CBLL1: variants seen among roughly 807,000 people sequenced by gnomAD.
CBLL1 encodes the protein E3 ubiquitin-protein ligase Hakai.
Under a neutral mutation model 44.9 loss-of-function variants are expected in CBLL1, and 4 were observed. That is an observed-to-expected ratio of 0.09 (90% CI 0.04 to 0.20). CBLL1 has a LOEUF of 0.20. Among genes scored for constraint, CBLL1 ranks in the 10% least tolerant of loss-of-function variants. The probability of loss-of-function intolerance (pLI) is 1.00; values close to 1 mark genes in which losing one functional copy is unlikely to be tolerated. For synonymous variants in CBLL1, 235 were observed against 202.2 expected (o/e 1.16, Z -1.38); for missense variants, 569 against 636.7 (o/e 0.89, Z 1.14).
chr7:107,745,791 G>T (rs1422582504), intron 1 of CBLL1, among the ~76,000 whole-genome samples: 2 of 152,156 alleles, frequency 1.3e-5, no homozygotes, highest in African/African-American at 4.8e-5. Context: ...CAACTAGGTA[G>T]GGTCCATTAT....
rs746033563 is a variant in CBLL1 at position 107,758,844 on chromosome 7, C to T, written c.1142C>T (p.Pro381Leu). 1.2e-6 allele frequency: 2 copies of T among 1,614,040 alleles called. No homozygotes were observed. The highest frequency in any genetic ancestry group is 1.7e-5 in the Admixed American group (1 of 60,006). ...QAPPPPMTSA[P>L]PPITPPPGHI... The stretch of plus-strand genomic sequence containing the variant: ...CCACCTCCACCAATGACCTCTGCTC[C>T]ACCACCAATAACCCCTCCCCCTGGA... Residue 381 changes from proline to leucine, a missense_variant, in exon 6 of 6, where the codon CCA (proline) becomes CTA (leucine). Transcript: ENST00000440859. This position sits in a 1 kb window ranked among gnomAD's most constrained non-coding sequence, Gnocchi z 4.2.
At position 107,758,637 on chromosome 7, in the gene CBLL1, C is replaced by T. The variant is rs1211747004; in HGVS notation, c.935C>T (p.Ala312Val). Reference protein sequence around the residue: ...NSGAREPPPPAPAPAHHHPEY... With the variant: ...NSGAREPPPPVPAPAHHHPEY... ...GGTGCTAGAGAACCACCACCTCCTGCCCCAGCACCTGCTCACCATCATCCT... is the reference window on the plus strand; with the variant it reads ...GGTGCTAGAGAACCACCACCTCCTGTCCCAGCACCTGCTCACCATCATCCT... The change falls in exon 6 of 6, where the codon GCC becomes GTC. Residue 312 changes from alanine (A) to valine (V), a missense_variant. Coordinates refer to ENST00000440859, the MANE Select transcript of CBLL1 (RefSeq NM_024814.4). This position sits in a 1 kb window ranked among gnomAD's most constrained non-coding sequence, Gnocchi z 4.2. The T allele has an allele frequency of 3.1e-6, 5 of 1,613,968 alleles. No homozygotes were observed. The highest frequency in any genetic ancestry group is 4.2e-6 in the Non-Finnish European group (5 of 1,179,990).
chr7:107,746,419 A>G (rs972924640), intron 1 of CBLL1, among the ~76,000 whole-genome samples: 6 of 152,252 alleles, frequency 3.9e-5, no homozygotes, highest in Admixed American at 1.3e-4. Context: ...TATTTTTTTT[A>G]AATGAATCAA....
chr7:107,752,446 CTG>C (rs3216898), intron 2 of CBLL1: 20,255 of 387,358 alleles, frequency 0.052, 1,623 homozygotes, highest in African/African-American at 0.26. Context: ...ATGTGTCTCT[CTG>C]TGTGTGTGTG....
In CBLL1 at chr7:107,758,557, A is replaced by G. The variant is rs1158637102; in HGVS notation, c.855A>G (p.Ser285=). Residue 285 remains serine (S), a synonymous_variant, in exon 6 of 6, where the codon TCA becomes TCG. Coordinates refer to ENST00000440859, the MANE Select transcript of CBLL1 (RefSeq NM_024814.4). The surrounding 1 kb of genome is among the most constrained non-coding windows in gnomAD (Gnocchi z 4.2). ...TCAGTCAGGAAACCTTTCGTATTTC[A>G]ACAAGAAAACACAGCAATTTAATAA... ...RSVSQETFRI[S]TRKHSNLITV... The G allele has an allele frequency of 1.9e-6, 3 of 1,613,858 alleles. No individual in the cohort carries two copies. Among genetic ancestry groups the G allele is most frequent in the African/African-American group, 2.7e-5 (2 of 74,820 alleles).
At chr7:107,744,454 G>C in intron 1 of CBLL1, 1 of 419,512 alleles carries the variant, frequency 2.4e-6, no homozygotes, top group East Asian at 3.6e-5. Context: ...TAGGCCTTCG[G>C]GAAGGGAGAG....
Position 107,753,438 on chromosome 7 carries a change from G to A in CBLL1, c.209G>A (p.Arg70Gln), listed in dbSNP as rs567570829. 34 of 1,583,850 alleles carry A rather than the reference G, an allele frequency of 2.1e-5. No individual in the cohort carries two copies. Among genetic ancestry groups the A allele is most frequent in the Middle Eastern group, 3.3e-4 (2 of 6,000 alleles). The change falls in exon 3 of 6, where the codon CGG becomes CAG. Residue 70 changes from arginine (R) to glutamine (Q), a missense_variant. By Grantham distance (43) the Arg-to-Gln change is conservative. This residue lies in a region of CBLL1 where 209 missense variants were observed against 202.8 expected (regional missense o/e 1.03). Coordinates refer to ENST00000440859, the MANE Select transcript of CBLL1 (RefSeq NM_024814.4). Reference protein sequence around the residue: ...EEGFDYNEEERYDCKGGELFA... With the variant: ...EEGFDYNEEEQYDCKGGELFA... ...GGATTTGATTATAATGAAGAAGAAC[G>A]GTATGACTGTAAAGGGGGTGAGCTG...
chr7:107,749,912 A>T lies in CBLL1; in HGVS notation c.181+865A>T, dbSNP rs563053142. Among the ~76,000 whole-genome samples the T allele has an allele frequency of 1.1e-4, 17 of 150,106 alleles. No individual in the cohort carries two copies. The Admixed American group carries it at 1.1e-3, about 10-fold the overall frequency. On this transcript the variant is annotated intron_variant, in intron 2 of 5. Transcript: ENST00000440859. The stretch of plus-strand genomic sequence containing the variant: ...ATTAATAGGGTTTTTGTTATATGTT[A>T]TGTATGTGCGTGTGTGTATATATAT...
intron 2 of CBLL1, chr7:107,752,452 G>GTT: frequency 1.0e-5 from 5 of 497,018 alleles, no homozygotes; most frequent in South Asian, 8.2e-5. Context: ...CTCTCTGTGT[G>GTT]TGTGTGTGTG....
In CBLL1 at chr7:107,753,472, T is replaced by A; in HGVS notation, c.243T>A (p.Asn81Lys). ...GTAAAGGGGGTGAGCTGTTTGCAAA[T>A]CAGCGAAGATTTCCTGGACACCTTT... ...YDCKGGELFA[N>K]QRRFPGHLFW... Residue 81 changes from asparagine (N) to lysine (K), a missense_variant, in exon 3 of 6, where the codon AAT (asparagine) becomes AAA (lysine). Transcript: ENST00000440859. The A allele has an allele frequency of 6.3e-7, 1 of 1,591,436 alleles. No individual in the cohort carries two copies. The highest frequency in any genetic ancestry group is 8.5e-7 in the Non-Finnish European group (1 of 1,171,180).
At chr7:107,744,216 C>T in intron 1 of CBLL1, 40 bp downstream of exon 1, 4 of 1,534,768 alleles carry the variant, frequency 2.6e-6, no homozygotes, top group Non-Finnish European at 3.5e-6. Context: ...GTTCCAAGCC[C>T]CCTTGGCCGG....
chr7:107,749,214 A>G (rs1286380133), intron 2 of CBLL1, 167 bp downstream of exon 2: 3 of 529,170 alleles, frequency 5.7e-6, no homozygotes, highest in Non-Finnish European at 9.1e-6. Flanking sequence ...ATTTTCCTTT[A>G]TAAATATTTT....
intron 1 of CBLL1, among the ~76,000 whole-genome samples, chr7:107,746,778 G>C (rs1793042700): frequency 1.3e-5 from 2 of 152,174 alleles, no homozygotes; most frequent in Admixed American, 1.3e-4. Context: ...AATCTTGCCA[G>C]AAAAATTACT....
intron 1 of CBLL1, among the ~76,000 whole-genome samples, chr7:107,745,013 T>C (rs1792938984): frequency 6.6e-6 from 1 of 152,192 alleles, no homozygotes; most frequent in Admixed American, 6.5e-5. Flanking sequence ...TCATCAGATA[T>C]CTACTTGGTT....
In CBLL1 at chr7:107,755,411, T is replaced by C; in HGVS notation, c.367-7T>C. 6.5e-7 allele frequency: 1 copy of C among 1,546,508 alleles called. No individual in the cohort carries two copies. The highest frequency in any genetic ancestry group is 2.4e-5 in the East Asian group (1 of 42,226). On this transcript the variant is annotated splice_polypyrimidine_tract_variant and splice_region_variant and intron_variant, in intron 4 of 5. Transcript: ENST00000440859. ...TATGCTTAACTGTAATATGTCTTTG[T>C]TTACAGATTCCATGCAAGCATGTTT...
Position 107,759,081 on chromosome 7 carries a change from C to T in CBLL1, c.1379C>T (p.Pro460Leu). The change falls in exon 6 of 6, where the codon CCA becomes CTA. Residue 460 changes from proline to leucine, a missense_variant. Coordinates refer to ENST00000440859, the MANE Select transcript of CBLL1 (RefSeq NM_024814.4). ...SPGIWPAPRG[P>L]PPPPRLQGPP... is the part of the protein sequence containing the mutation. ...GGTATATGGCCTGCACCAAGAGGGCCACCACCACCTCCACGATTGCAGGGT... is the reference window on the plus strand; with the variant it reads ...GGTATATGGCCTGCACCAAGAGGGCTACCACCACCTCCACGATTGCAGGGT... The T allele has an allele frequency of 1.9e-6, 3 of 1,613,850 alleles. No homozygotes were observed. Among genetic ancestry groups the T allele is most frequent in the Non-Finnish European group, 1.7e-6 (2 of 1,179,928 alleles).
chr7:107,748,212 A>G (rs918151728), intron 1 of CBLL1, among the ~76,000 whole-genome samples: 2 of 152,214 alleles, frequency 1.3e-5, no homozygotes, highest in African/African-American at 4.8e-5. Flanking sequence ...ATCCTCTTAA[A>G]TTATAATTTT....
In CBLL1 at chr7:107,758,622, AACCACC is replaced by A; in HGVS notation, c.924_929del (p.Pro310_Pro311del). 6.2e-7 allele frequency: 1 copy of A among 1,613,932 alleles called. No individual in the cohort carries two copies. The highest frequency in any genetic ancestry group is 1.1e-5 in the South Asian group (1 of 91,062). On this transcript the variant is annotated inframe_deletion, in exon 6 of 6. Coordinates refer to ENST00000440859, the MANE Select transcript of CBLL1 (RefSeq NM_024814.4). This position sits in a 1 kb window ranked among gnomAD's most constrained non-coding sequence, Gnocchi z 4.2. ...GATGACTCAAATTCAGGTGCTAGAG[AACCACC>A]ACCTCCTGCCCCAGCACCTGCTCAC...
At position 107,759,295 on chromosome 7, in the gene CBLL1, A is replaced by G. The variant is rs539565842; in HGVS notation, c.*117A>G. The G allele has an allele frequency of 2.4e-6, 2 of 843,420 alleles. No homozygotes were observed. The highest frequency in any genetic ancestry group is 1.7e-5 in the African/African-American group (1 of 58,732). The allele number at this position is 843,420 out of a possible 1,614,324, so 52.2% of individuals were successfully genotyped here. On this transcript the variant is annotated 3_prime_UTR_variant, in exon 6 of 6. Transcript: ENST00000440859. Reference sequence around the variant, plus strand: ...CTCTTATCGAGGTAGTATAAAACACATAGGGTCTTGTTTCTTAAAATGGTT... The same window carrying G: ...CTCTTATCGAGGTAGTATAAAACACGTAGGGTCTTGTTTCTTAAAATGGTT...
Sources: gnomAD v4.1 joint callset for allele counts (sites outside exome capture counted in the v4.1 genomes callset) on GRCh38, gnomAD v4.1.1 for gene constraint, gnomAD v4.1.1 regional missense constraint, Gnocchi (gnomAD v3.1) non-coding constraint, MANE v1.5 for transcripts, NCBI Gene and HGNC (gene_info 2026-07-23, HGNC 2026-07-21) for gene names.